Variants in L2HGDH observed in about 807,000 individuals in gnomAD.
L2HGDH encodes L-2-hydroxyglutarate dehydrogenase, also known as L-2-hydroxyglutarate dehydrogenase, mitochondrial.
In L2HGDH, 34 loss-of-function variants were observed where a neutral mutation model predicts 51.5. The ratio of observed to expected loss-of-function variants is 0.66; its 90% CI spans 0.50 to 0.88. The LOEUF is 0.88. L2HGDH is among the 40% of genes least tolerant of loss of function. The pLI is 0.00. For missense variants in L2HGDH, 558 were observed against 571.9 expected, an observed-to-expected ratio of 0.98 and a Z score of 0.25; for synonymous variants, 198 against 197.9, an observed-to-expected ratio of 1.00 and a Z score of -0.01.
chr14:50,303,519 G>A (rs564750692), intron 1 of L2HGDH, among the ~76,000 whole-genome samples: 1 of 151,586 alleles, frequency 6.6e-6, no homozygotes, highest in South Asian at 2.1e-4. Context: ...GCTCATGCCT[G>A]TAATCCCAGC....
intron 5 of L2HGDH, among the ~76,000 whole-genome samples, chr14:50,280,643 G>A (rs1190652922): frequency 6.6e-6 from 1 of 151,960 alleles, no homozygotes; most frequent in Admixed American, 6.6e-5. Flanking sequence ...ATAGGATTTT[G>A]CAAATTAAGA....
At chr14:50,294,844 TTTC>T (rs1176795351) in intron 3 of L2HGDH, among the ~76,000 whole-genome samples, 1 of 152,226 alleles carries the variant, frequency 6.6e-6, no homozygotes, top group Non-Finnish European at 1.5e-5. Context: ...TGAGGTACAG[TTTC>T]TTCTTTACTT....
chr14:50,312,192 A>C lies in L2HGDH; in HGVS notation c.-42T>G, dbSNP rs1483370927. 1 of 1,604,806 alleles carries C rather than the reference A, an allele frequency of 6.2e-7. No homozygotes were observed. ...CCTCCCTCAGCGCTCAGAAGAAGCC[A>C]CTTGACCCTCCACGGCCGAGGACCC... On this transcript the variant is annotated 5_prime_UTR_variant, in exon 1 of 10. Coordinates refer to ENST00000267436, the MANE Select transcript of L2HGDH (RefSeq NM_024884.3).
At chr14:50,275,452 C>T (rs1196766519) in intron 6 of L2HGDH, among the ~76,000 whole-genome samples, 9 of 152,220 alleles carry the variant, frequency 5.9e-5, no homozygotes, top group South Asian at 2.1e-4. Flanking sequence ...GCCTATAATG[C>T]TTCTGCCAAA....
chr14:50,297,225 T>C (rs2030110851), intron 3 of L2HGDH, among the ~76,000 whole-genome samples: 1 of 152,238 alleles, frequency 6.6e-6, no homozygotes, highest in African/African-American at 2.4e-5. Context: ...TTACTACTTC[T>C]GTTCAACACA....
Position 50,245,023 on chromosome 14 carries a change from A to G in L2HGDH, c.*2035T>C. 1 of 985,762 alleles carries G rather than the reference A, an allele frequency of 1.0e-6. No individual in the cohort carries two copies. The highest frequency in any genetic ancestry group is 1.2e-6 in the Non-Finnish European group (1 of 829,864). 61.1% of individuals were successfully genotyped at this position (985,762 alleles called of 1,614,324 possible). On this transcript the variant is annotated 3_prime_UTR_variant, in exon 10 of 10. Coordinates refer to ENST00000267436, the MANE Select transcript of L2HGDH (RefSeq NM_024884.3). ...AATTATAAGAATAATTTCGATAGAT[A>G]CCACAAAACACATATATACAGGATA...
intron 6 of L2HGDH, among the ~76,000 whole-genome samples, chr14:50,276,221 G>C (rs1295778054): frequency 6.6e-6 from 1 of 152,210 alleles, no homozygotes; most frequent in Admixed American, 6.5e-5. Flanking sequence ...CTTCAGGAAT[G>C]AAAGTTTGAG....
intron 4 of L2HGDH, among the ~76,000 whole-genome samples, chr14:50,290,081 A>T (rs888297399): frequency 6.6e-6 from 1 of 151,984 alleles, no homozygotes; most frequent in African/African-American, 2.4e-5. Flanking sequence ...CTGGCTAACA[A>T]GGTGAAACCC....
At chr14:50,296,172 G>C (rs889296678) in intron 3 of L2HGDH, among the ~76,000 whole-genome samples, 1 of 151,858 alleles carries the variant, frequency 6.6e-6, no homozygotes, top group Non-Finnish European at 1.5e-5. Context: ...AGGAGTTCGA[G>C]AACAGCCTGG....
At chr14:50,294,874 G>GAA (rs1215974708) in intron 3 of L2HGDH, among the ~76,000 whole-genome samples, 1 of 152,136 alleles carries the variant, frequency 6.6e-6, no homozygotes, top group Non-Finnish European at 1.5e-5. Flanking sequence ...AGGGGCAAAG[G>GAA]AAAACACAGG....
intron 9 of L2HGDH, among the ~76,000 whole-genome samples, chr14:50,257,760 G>GTT (rs1448244675): frequency 1.4e-5 from 2 of 141,786 alleles, no homozygotes; most frequent in African/African-American, 2.6e-5. Context: ...TTTTTCTTTG[G>GTT]TTTTTTTTTT....
intron 9 of L2HGDH, 148 bp downstream of exon 9, chr14:50,265,210 A>C: frequency 1.5e-6 from 1 of 666,230 alleles, no homozygotes; most frequent in South Asian, 1.8e-5. Flanking sequence ...AAGGGAATTC[A>C]ACAACATGTT....
At chr14:50,250,430 G>C (rs1170145212) in intron 9 of L2HGDH, among the ~76,000 whole-genome samples, 1 of 152,228 alleles carries the variant, frequency 6.6e-6, no homozygotes, top group East Asian at 1.9e-4. Context: ...GGAAGAGTGA[G>C]AAGAACTTTG....
chr14:50,257,753 T>C (rs187328224), intron 9 of L2HGDH, among the ~76,000 whole-genome samples: 2 of 151,880 alleles, frequency 1.3e-5, no homozygotes, highest in East Asian at 1.9e-4. Flanking sequence ...TAGTTCTTTT[T>C]TCTTTGGTTT....
At chr14:50,304,309 T>C (rs2030600599) in intron 1 of L2HGDH, among the ~76,000 whole-genome samples, 1 of 152,260 alleles carries the variant, frequency 6.6e-6, no homozygotes. Flanking sequence ...GACTATACTT[T>C]GTGTTAAGCA....
intron 1 of L2HGDH, among the ~76,000 whole-genome samples, chr14:50,309,191 A>C (rs1468717527): frequency 1.3e-5 from 2 of 152,116 alleles, no homozygotes; most frequent in African/African-American, 4.8e-5. Flanking sequence ...TCTTTTAGAG[A>C]TCATGCTTTT....
chr14:50,303,669 C>T (rs1319069913), intron 1 of L2HGDH, among the ~76,000 whole-genome samples: 1 of 150,392 alleles, frequency 6.6e-6, no homozygotes, highest in East Asian at 2.0e-4. Flanking sequence ...CCCAACTACT[C>T]GGGAGGCTAA....
At chr14:50,298,015 G>A (rs1010894197) in intron 3 of L2HGDH, among the ~76,000 whole-genome samples, 1 of 152,006 alleles carries the variant, frequency 6.6e-6, no homozygotes, top group African/African-American at 2.4e-5. Context: ...CAATTTGGGT[G>A]GGTAGATCAC....
intron 9 of L2HGDH, among the ~76,000 whole-genome samples, chr14:50,260,642 A>T (rs1888963823): frequency 6.6e-6 from 1 of 152,066 alleles, no homozygotes; most frequent in Non-Finnish European, 1.5e-5. Context: ...TATTTCAAGG[A>T]TGTTTATCAT....
Sources: gnomAD v4.1 joint callset for allele counts (sites outside exome capture counted in the v4.1 genomes callset) on GRCh38, gnomAD v4.1.1 for gene constraint, MANE v1.5 for transcripts, NCBI Gene and HGNC (gene_info 2026-07-23, HGNC 2026-07-21) for gene names.